The following HTR5A variants were observed in gnomAD, a reference collection of about 807,000 sequenced individuals.
HTR5A encodes 5-HT-5.
In HTR5A, 21 loss-of-function variants were observed where a neutral mutation model predicts 24.3. The ratio of observed to expected loss-of-function variants is 0.86; its 90% confidence interval spans 0.61 to 1.24. HTR5A has a LOEUF of 1.24. Ranked by LOEUF, HTR5A falls within the 50% of genes most tolerant of loss-of-function variation. HTR5A has a pLI of 0.00. For synonymous variants in HTR5A, 260 were observed against 213.7 expected (o/e 1.22, Z -1.89); for missense variants, 497 against 489.5 (o/e 1.02, Z -0.15).
At chr7:155,077,467 T>G (rs766178424) in intron 1 of HTR5A, among the ~76,000 whole-genome samples, 1,631 of 6,434 alleles carry the variant, frequency 0.25, 11 homozygotes, top group Middle Eastern at 0.5. Context: ...TTTTTTTTTG[T>G]TTTTTTTTTT....
chr7:155,084,142 T>A lies in HTR5A; in HGVS notation c.742-13T>A. 1 of 1,576,318 alleles carries A rather than the reference T, an allele frequency of 6.3e-7. No individual in the cohort carries two copies. Among genetic ancestry groups the A allele is most frequent in the Non-Finnish European group, 8.6e-7 (1 of 1,160,790 alleles). Reference sequence around the variant, plus strand: ...AGGTGGCTCCTCATAAAGCTCCTGCTTGTCTTTTACAGGTGAAGGACTCTG... The same window carrying A: ...AGGTGGCTCCTCATAAAGCTCCTGCATGTCTTTTACAGGTGAAGGACTCTG... On this transcript the variant is annotated splice_polypyrimidine_tract_variant and intron_variant, in intron 1 of 1. Coordinates refer to ENST00000287907, the MANE Select transcript of HTR5A (RefSeq NM_024012.4).
intron 1 of HTR5A, among the ~76,000 whole-genome samples, chr7:155,073,563 T>C (rs185628240): frequency 1.3e-5 from 2 of 152,014 alleles, no homozygotes; most frequent in Admixed American, 6.5e-5. Flanking sequence ...TGAGGTTCCA[T>C]GTGTATGAGG....
chr7:155,073,865 G>GTGTATATATATGTA (rs1554519604), intron 1 of HTR5A, among the ~76,000 whole-genome samples: 1 of 57,312 alleles, frequency 1.7e-5, no homozygotes, highest in Non-Finnish European at 3.2e-5. Flanking sequence ...GTGTGTGTGT[G>GTGTATATATATGTA]TATATATATA....
At chr7:155,071,829 G>A (rs983307893) in intron 1 of HTR5A, among the ~76,000 whole-genome samples, 189 bp downstream of exon 1, 1 of 152,104 alleles carries the variant, frequency 6.6e-6, no homozygotes, top group Admixed American at 6.5e-5. Flanking sequence ...CCTCTCACAG[G>A]GCTAATCATA....
rs10215976 is a variant in HTR5A, at chr7:155,086,772, C to T, written c.*2285C>T. ...GTAGACATTCATTGACTTTGAGTCT[C>T]TACTATGCAAATCAAATATTTGTGA... On this transcript the variant is annotated 3_prime_UTR_variant, in exon 2 of 2. Transcript: ENST00000287907. 6.6e-6 allele frequency among the ~76,000 whole-genome samples: 1 copy of T among 152,178 alleles called. No individual in the cohort carries two copies. Among genetic ancestry groups the T allele is most frequent in the South Asian group, 2.1e-4 (1 of 4,832 alleles).
At chr7:155,074,600 C>T (rs1337183149) in intron 1 of HTR5A, 1 of 152,180 alleles carries the variant, frequency 6.6e-6, no homozygotes, top group Non-Finnish European at 1.5e-5. Context: ...ATAATCTACA[C>T]AGGTACTATA....
intron 1 of HTR5A, among the ~76,000 whole-genome samples, chr7:155,073,865 G>GTGTA (rs1554519604): frequency 0.28 from 15,949 of 56,460 alleles, 3,180 homozygotes; most frequent in Middle Eastern, 0.35. Flanking sequence ...GTGTGTGTGT[G>GTGTA]TATATATATA....
chr7:155,074,382 A>G (rs2247807), intron 1 of HTR5A, among the ~76,000 whole-genome samples: 136,632 of 152,202 alleles, frequency 0.9, 63,147 homozygotes, highest in East Asian at 1. Flanking sequence ...CTGTCTAGGC[A>G]CAGTTTGCCT....
At chr7:155,071,857 T>C (rs1795299605) in intron 1 of HTR5A, among the ~76,000 whole-genome samples, 6 of 152,196 alleles carry the variant, frequency 3.9e-5, no homozygotes, top group Admixed American at 3.3e-4. Flanking sequence ...CCTTCTCTAA[T>C]GGGTTGTTTG....
chr7:155,073,323 G>GAAAAAAAAA (rs66715434), intron 1 of HTR5A, among the ~76,000 whole-genome samples: 3,965 of 109,000 alleles, frequency 0.036, 248 homozygotes, highest in Admixed American at 0.037. Context: ...TCTGTCTCAA[G>GAAAAAAAAA]AAAAAAAAAA....
At chr7:155,082,066 C>G (rs1429333763) in intron 1 of HTR5A, among the ~76,000 whole-genome samples, 1 of 152,152 alleles carries the variant, frequency 6.6e-6, no homozygotes, top group African/African-American at 2.4e-5. Flanking sequence ...TCAGTGTGAC[C>G]AGCATCTCCA....
At chr7:155,080,859 G>A (rs1341163457) in intron 1 of HTR5A, among the ~76,000 whole-genome samples, 1 of 152,174 alleles carries the variant, frequency 6.6e-6, no homozygotes. Context: ...TTTTCTGCTG[G>A]AATGGGGTTT....
chr7:155,081,489 T>A (rs1795417487), intron 1 of HTR5A, among the ~76,000 whole-genome samples: 1 of 152,176 alleles, frequency 6.6e-6, no homozygotes. Context: ...TAGAAAAAAA[T>A]TTATATATGA....
At chr7:155,075,981 T>A (rs1399081501) in intron 1 of HTR5A, among the ~76,000 whole-genome samples, 2 of 152,190 alleles carry the variant, frequency 1.3e-5, no homozygotes, top group Non-Finnish European at 2.9e-5. Flanking sequence ...GCGAGCCAGA[T>A]TTTGGAATGG....
chr7:155,073,909 A>ATG lies in HTR5A; in HGVS notation c.741+2270_741+2271insGT, dbSNP rs1563419745. 4.1e-3 allele frequency among the ~76,000 whole-genome samples: 588 copies of ATG among 142,274 alleles called. 14 individuals carry two copies. Among genetic ancestry groups the ATG allele is most frequent in the African/African-American group, 0.015 (552 of 37,338 alleles). 93.3% of individuals were successfully genotyped at this position (142,274 alleles called of 152,430 possible). A position where few individuals can be genotyped will look rare whatever the true frequency, so the allele number is the denominator to read the frequency against. On this transcript the variant is annotated intron_variant, in intron 1 of 1. Coordinates refer to ENST00000287907, the MANE Select transcript of HTR5A (RefSeq NM_024012.4). Reference sequence around the variant, plus strand: ...TATATGTATATATATATATATATATATATATATGTATATATATATACTCTC... The same window carrying ATG: ...TATATGTATATATATATATATATATATGTATATATGTATATATATATACTCTC...
rs1467156701 is a variant in HTR5A at position 155,075,800 on chromosome 7, TATA to T, written c.741+4164_741+4166del. Reference sequence around the variant, plus strand: ...TGTTGTGGCCTGGGAGCTTAGGCTATATAATATTTTATGTCAGCTAATGCAGGC... The same window carrying T: ...TGTTGTGGCCTGGGAGCTTAGGCTATATATTTTATGTCAGCTAATGCAGGC... On this transcript the variant is annotated intron_variant, in intron 1 of 1. Coordinates refer to ENST00000287907, the MANE Select transcript of HTR5A (RefSeq NM_024012.4). 5.3e-5 allele frequency among the ~76,000 whole-genome samples: 8 copies of T among 152,326 alleles called. No homozygotes were observed. In the South Asian group the frequency reaches 1.7e-3, roughly 32 times the overall value.
chr7:155,072,126 A>C (rs1795304527), intron 1 of HTR5A, among the ~76,000 whole-genome samples: 1 of 152,148 alleles, frequency 6.6e-6, no homozygotes, highest in Admixed American at 6.5e-5. Flanking sequence ...TTAGCATTTC[A>C]TCCTAGTCTA....
intron 1 of HTR5A, among the ~76,000 whole-genome samples, chr7:155,072,546 A>T (rs1397588231): frequency 6.6e-6 from 1 of 152,152 alleles, no homozygotes; most frequent in Non-Finnish European, 1.5e-5. Flanking sequence ...CCTACGACTC[A>T]TGATTCTGCA....
In HTR5A at chr7:155,084,403, C is replaced by G. The variant is rs1795453052; in HGVS notation, c.990C>G (p.Asn330Lys). 1 of 1,614,086 alleles carries G rather than the reference C, an allele frequency of 6.2e-7. No individual in the cohort carries two copies. Among genetic ancestry groups the G allele is most frequent in the African/African-American group, 1.3e-5 (1 of 74,924 alleles). Residue 330 changes from asparagine to lysine, a missense_variant, in exon 2 of 2, where the codon AAC (asparagine) becomes AAG (lysine). Transcript: ENST00000287907. The part of the protein sequence containing the change: ...KSIFLWLGYS[N>K]SFFNPLIYTA... ...TCTTCCTGTGGCTTGGCTACTCCAA[C>G]TCCTTCTTTAACCCCCTGATCTATA...
Sources: allele counts gnomAD v4.1 joint callset (sites outside exome capture counted in the v4.1 genomes callset), GRCh38; gene constraint gnomAD v4.1.1; transcripts MANE v1.5; gene names NCBI Gene and HGNC (gene_info 2026-07-23, HGNC 2026-07-21).